ZNF318: variants seen among roughly 807,000 people sequenced by gnomAD.
ZNF318 encodes endocrine regulator.
A neutral mutation model predicts 124.2 loss-of-function variants in ZNF318; 51 were observed. That is an observed-to-expected ratio of 0.41 (90% CI 0.33 to 0.52). The LOEUF (loss-of-function observed/expected upper bound fraction) is 0.52. Ranked by LOEUF, ZNF318 falls within the 20% of genes least tolerant of loss-of-function variation. The pLI is 0.23. For synonymous variants in ZNF318, 1,090 were observed against 1,040.7 expected, an observed-to-expected ratio of 1.05 and a Z score of -0.91; for missense variants, 2,815 against 2,811.2, an observed-to-expected ratio of 1.00 and a Z score of -0.03.
intron 2 of ZNF318, among the ~76,000 whole-genome samples, chr6:43,361,075 AG>A (rs1198466492): frequency 1.3e-5 from 2 of 152,244 alleles, no homozygotes; most frequent in Non-Finnish European, 2.9e-5. Context: ...TGAATTATAT[AG>A]TATACAAATT....
In ZNF318 at chr6:43,369,532, G is replaced by A. The variant is rs1581655149; in HGVS notation, c.-167C>T. 3.1e-6 allele frequency: 1 copy of A among 319,436 alleles called. No homozygotes were observed. Among genetic ancestry groups the A allele is most frequent in the East Asian group, 1.7e-4 (1 of 5,958 alleles). The allele number at this position is 319,436 out of a possible 1,614,324, so 19.8% of individuals were successfully genotyped here. A position where few individuals can be genotyped will look rare whatever the true frequency, so the allele number is the denominator to read the frequency against. Reference sequence around the variant, plus strand: ...CGGCCCCGCGTCGCCCCGGGGGCCCGGCCGAGCGCGCCCCCGCGGCTGGCG... The same window carrying A: ...CGGCCCCGCGTCGCCCCGGGGGCCCAGCCGAGCGCGCCCCCGCGGCTGGCG... On this transcript the variant is annotated 5_prime_UTR_variant, in exon 1 of 10. Transcript: ENST00000361428.
In ZNF318 at chr6:43,369,524, G is replaced by A. The variant is rs1386801475; in HGVS notation, c.-159C>T. 1 of 423,442 alleles carries A rather than the reference G, an allele frequency of 2.4e-6. No individual in the cohort carries two copies. The highest frequency in any genetic ancestry group is 3.2e-6 in the Non-Finnish European group (1 of 315,632). 26.2% of individuals were successfully genotyped at this position (423,442 alleles called of 1,614,324 possible). ...CCTCCCCTCGGCCCCGCGTCGCCCCGGGGGCCCGGCCGAGCGCGCCCCCGC... is the reference window on the plus strand; with the variant it reads ...CCTCCCCTCGGCCCCGCGTCGCCCCAGGGGCCCGGCCGAGCGCGCCCCCGC... On this transcript the variant is annotated 5_prime_UTR_variant, in exon 1 of 10. Coordinates refer to ENST00000361428, the MANE Select transcript of ZNF318 (RefSeq NM_014345.3).
At chr6:43,341,301 C>T (rs1247358929) in intron 8 of ZNF318, among the ~76,000 whole-genome samples, 4 of 152,182 alleles carry the variant, frequency 2.6e-5, no homozygotes. Flanking sequence ...AGGAAACTAT[C>T]TTCTGTAAAT....
Position 43,339,104 on chromosome 6 carries a change from C to A in ZNF318, c.4894G>T (p.Gly1632Cys), listed in dbSNP as rs917842145. The A allele has an allele frequency of 6.2e-7, 1 of 1,614,144 alleles. No homozygotes were observed. Among genetic ancestry groups the A allele is most frequent in the Admixed American group, 1.7e-5 (1 of 60,016 alleles). ...CTAACTATAGGAGCAGCGACCAAAC[C>A]CTCATCTTGATGCAACTCCTCTTGG... The part of the protein sequence containing the change: ...ASQEELHQDE[G>C]LVAAPIVSNS... Residue 1632 changes from glycine to cysteine, a missense_variant, in exon 10 of 10, where the codon GGT becomes TGT. Gly to Cys is a radical substitution (Grantham distance 159). This residue lies in a region of ZNF318 where 927 missense variants were observed against 820.6 expected (regional missense o/e 1.13). Transcript: ENST00000361428. This position sits in a 1 kb window ranked among gnomAD's most constrained non-coding sequence, Gnocchi z 4.2.
Position 43,356,111 on chromosome 6 carries a change from T to C in ZNF318, c.1223A>G (p.Gln408Arg). ...ESFSSSTSSS[Q>R]DHPLYSGHPS... is the part of the protein sequence containing the mutation. ...GTGCCCAGAGTAGAGAGGGTGATCCTGGCTGGAGCTGGTACTGCTGGAAAA... is the reference window on the plus strand; with the variant it reads ...GTGCCCAGAGTAGAGAGGGTGATCCCGGCTGGAGCTGGTACTGCTGGAAAA... Residue 408 changes from glutamine (Q) to arginine (R), a missense_variant, in exon 4 of 10, where the codon CAG becomes CGG. By Grantham distance (43) the Gln-to-Arg change is conservative. This residue lies in a region of ZNF318 where 1,377 missense variants were observed against 1,353.5 expected (regional missense o/e 1.02). Coordinates refer to ENST00000361428, the MANE Select transcript of ZNF318 (RefSeq NM_014345.3). 1 of 1,613,744 alleles carries C rather than the reference T, an allele frequency of 6.2e-7. No homozygotes were observed. Among genetic ancestry groups the C allele is most frequent in the South Asian group, 1.1e-5 (1 of 91,020 alleles).
At chr6:43,351,726 A>T (rs1024435551) in intron 5 of ZNF318, among the ~76,000 whole-genome samples, 3 of 151,374 alleles carry the variant, frequency 2.0e-5, no homozygotes, top group Non-Finnish European at 4.4e-5. Context: ...GCACCACTGC[A>T]CTCCAGCCTG....
intron 2 of ZNF318, among the ~76,000 whole-genome samples, chr6:43,362,054 G>A (rs1011832452): frequency 6.6e-6 from 1 of 152,136 alleles, no homozygotes; most frequent in Non-Finnish European, 1.5e-5. Context: ...AGCTACTTGG[G>A]AGGCTGAGGC....
In ZNF318 at chr6:43,337,476, G is replaced by C; in HGVS notation, c.6522C>G (p.Asp2174Glu). Residue 2174 changes from aspartate to glutamate, a missense_variant, in exon 10 of 10, where the codon GAC becomes GAG. Physicochemically the swap from Asp to Glu is conservative, Grantham distance 45. Coordinates refer to ENST00000361428, the MANE Select transcript of ZNF318 (RefSeq NM_014345.3). ...GAACTCCAGAGGTCCGTGTGACAAA[G>C]TCAACAAGGTCTGGAAGGCAAGGAG... is the stretch of plus-strand genomic sequence containing the variant. ...GPSPCLPDLV[D>E]FVTRTSGVQK... 3 of 1,614,198 alleles carry C rather than the reference G, an allele frequency of 1.9e-6. No individual in the cohort carries two copies. The highest frequency in any genetic ancestry group is 1.6e-4 in the Middle Eastern group (1 of 6,062).
chr6:43,353,145 T>C (rs1002649422), intron 4 of ZNF318, among the ~76,000 whole-genome samples: 32 of 152,306 alleles, frequency 2.1e-4, no homozygotes, highest in African/African-American at 7.5e-4. Flanking sequence ...ACTAGATTTA[T>C]AAAAGGAAAA....
In ZNF318 at chr6:43,355,728, TCTC is replaced by T. The variant is rs767246857; in HGVS notation, c.1603_1605del (p.Glu535del). 10 of 1,614,182 alleles carry T rather than the reference TCTC, an allele frequency of 6.2e-6. No homozygotes were observed. Among genetic ancestry groups the T allele is most frequent in the Non-Finnish European group, 2.5e-6 (3 of 1,180,026 alleles). On this transcript the variant is annotated inframe_deletion, in exon 4 of 10. Transcript: ENST00000361428. ...TCTTCTTCATCCCCATAGAGAAATTTCTCCTCATCTTCAATGTCGGGAAAGCTA... is the reference window on the plus strand; with the variant it reads ...TCTTCTTCATCCCCATAGAGAAATTTCTCATCTTCAATGTCGGGAAAGCTA...
intron 3 of ZNF318, among the ~76,000 whole-genome samples, chr6:43,356,858 G>T (rs1779614661): frequency 6.6e-6 from 1 of 152,002 alleles, no homozygotes; most frequent in Admixed American, 6.6e-5. Flanking sequence ...GATTGCCAAA[G>T]GATAATCCAA....
rs1779541880 is a variant in ZNF318 at position 43,352,389 on chromosome 6, G to C, written c.2758C>G (p.His920Asp). ...YYLRTELERLHKQQGEMLRKK... is the reference protein window; with the variant it reads ...YYLRTELERLDKQQGEMLRKK... The stretch of plus-strand genomic sequence containing the variant: ...AAGCAGCTGATACCTTGTTGTTTAT[G>C]AAGCCGCTCTAACTCGGTCCTAAGA... The change falls in exon 5 of 10, where the codon CAT (histidine) becomes GAT (aspartate). Residue 920 changes from histidine to aspartate, a missense_variant. Around this residue, in one of 4 missense-constraint regions of ZNF318, gnomAD observed 1,377 missense variants for 1,353.5 expected, o/e 1.02. Coordinates refer to ENST00000361428, the MANE Select transcript of ZNF318 (RefSeq NM_014345.3). The C allele has an allele frequency of 6.2e-7, 1 of 1,613,940 alleles. No individual in the cohort carries two copies. The highest frequency in any genetic ancestry group is 1.7e-5 in the Admixed American group (1 of 59,990).
At position 43,355,588 on chromosome 6, in the gene ZNF318, T is replaced by C; in HGVS notation, c.1746A>G (p.Leu582=). The C allele has an allele frequency of 1.9e-6, 3 of 1,614,204 alleles. No homozygotes were observed. The highest frequency in any genetic ancestry group is 2.5e-6 in the Non-Finnish European group (3 of 1,180,032). The change falls in exon 4 of 10, where the codon CTA becomes CTG. Residue 582 remains leucine, a synonymous_variant. Coordinates refer to ENST00000361428, the MANE Select transcript of ZNF318 (RefSeq NM_014345.3). ...TCGCATATTCTGGATTGGTCTCTTC[T>C]AGTGATTCTAGCTTTACAGCTGGAG... The part of the protein sequence containing the change: ...SSAPAVKLES[L]EETNPEYAKI...
chr6:43,350,662 C>CA (rs527632338), intron 5 of ZNF318, among the ~76,000 whole-genome samples: 88 of 142,952 alleles, frequency 6.2e-4, no homozygotes, highest in Non-Finnish European at 8.4e-4. Context: ...TGTCTCTAGC[C>CA]AAAAAAAAAA....
chr6:43,338,815 C>G lies in ZNF318; in HGVS notation c.5183G>C (p.Gly1728Ala). 6.2e-7 allele frequency: 1 copy of G among 1,614,108 alleles called. No individual in the cohort carries two copies. Among genetic ancestry groups the G allele is most frequent in the Non-Finnish European group, 8.5e-7 (1 of 1,180,018 alleles). Residue 1728 changes from glycine (G) to alanine (A), a missense_variant, in exon 10 of 10, where the codon GGT becomes GCT. By Grantham distance (60) the Gly-to-Ala change is moderately conservative (BLOSUM62 0). Transcript: ENST00000361428. ...TAACAGTTGAGGAGGTGGTTCTACACCAGGTGGTCCTGGCTCTCCCAGGTC... is the reference window on the plus strand; with the variant it reads ...TAACAGTTGAGGAGGTGGTTCTACAGCAGGTGGTCCTGGCTCTCCCAGGTC... ...ELDLGEPGPP[G>A]VEPPPQLLDI...
chr6:43,340,236 G>A lies in ZNF318; in HGVS notation c.3762C>T (p.Gly1254=), dbSNP rs1779353727. The change falls in exon 10 of 10, where the codon GGC becomes GGT. Residue 1254 remains glycine (G), a synonymous_variant. Coordinates refer to ENST00000361428, the MANE Select transcript of ZNF318 (RefSeq NM_014345.3). ...CCTCTTCTTTTAACTGGAGTTTGAT[G>A]CCAGTGTTCCTTTTATTTTCAGCTT... The part of the protein sequence containing the change: ...PEKAENKRNT[G]IKLQLKEEVK... 1.2e-6 allele frequency: 2 copies of A among 1,614,088 alleles called. No individual in the cohort carries two copies. Among genetic ancestry groups the A allele is most frequent in the Non-Finnish European group, 1.7e-6 (2 of 1,180,012 alleles).
chr6:43,351,097 C>T (rs984066988), intron 5 of ZNF318, among the ~76,000 whole-genome samples: 6 of 152,112 alleles, frequency 3.9e-5, no homozygotes, highest in African/African-American at 1.4e-4. Context: ...GTGATAGTCT[C>T]GCCAAAAATG....
intron 6 of ZNF318, among the ~76,000 whole-genome samples, chr6:43,345,880 G>A (rs747495382): frequency 6.6e-6 from 1 of 152,090 alleles, no homozygotes; most frequent in Non-Finnish European, 1.5e-5. Flanking sequence ...GCTGAGGCGG[G>A]AGGATCATCA....
At position 43,340,771 on chromosome 6, in the gene ZNF318, G is replaced by C; in HGVS notation, c.3495+19C>G. ...CTTCAGAAAAGTTGGAAACTCCACA[G>C]CCTACTACAAAGACCAACCTTGTAT... On this transcript the variant is annotated intron_variant, in intron 9 of 9. Transcript: ENST00000361428. 1 of 1,592,714 alleles carries C rather than the reference G, an allele frequency of 6.3e-7. No individual in the cohort carries two copies. The highest frequency in any genetic ancestry group is 8.6e-7 in the Non-Finnish European group (1 of 1,160,566).
Sources: gnomAD v4.1 joint callset for allele counts (sites outside exome capture counted in the v4.1 genomes callset) on GRCh38, gnomAD v4.1.1 for gene constraint, gnomAD v4.1.1 regional missense constraint, Gnocchi (gnomAD v3.1) non-coding constraint, MANE v1.5 for transcripts, NCBI Gene and HGNC (gene_info 2026-07-23, HGNC 2026-07-21) for gene names.